The following SCG5 variants were observed in gnomAD, a reference collection of about 807,000 sequenced individuals.
SCG5 encodes the protein secretogranin V.
SCG5 carries 18 observed loss-of-function variants against 25.7 expected under a neutral mutation model. The observed-to-expected ratio is 0.70, with a 90% CI of 0.48 to 1.04. SCG5 has a LOEUF of 1.04. SCG5 is among the 50% of genes least tolerant of loss of function. The pLI is 0.00. For missense variants in SCG5, 206 were observed against 259.8 expected (o/e 0.79, Z 1.42); for synonymous variants, 101 against 91.7 (o/e 1.10, Z -0.58).
At position 32,643,694 on chromosome 15, in the gene SCG5, G is replaced by T. The variant is rs758477629; in HGVS notation, c.102G>T (p.Arg34=). The T allele has an allele frequency of 6.2e-7, 1 of 1,613,752 alleles. No homozygotes were observed. The highest frequency in any genetic ancestry group is 8.5e-7 in the Non-Finnish European group (1 of 1,179,862). ...CTTACAGCCCCCGGACCCCTGACCG[G>T]GTCTCAGAAGCAGATATCCAGAGGC... is the stretch of plus-strand genomic sequence containing the variant. ...AFAYSPRTPD[R]VSEADIQRLL... is the part of the protein sequence containing the mutation. The change falls in exon 2 of 6, where the codon CGG becomes CGT. Residue 34 remains arginine (R), a synonymous_variant. Transcript: ENST00000300175.
At chr15:32,695,229 A>G (rs1205005194) in intron 5 of SCG5, among the ~76,000 whole-genome samples, 1 of 152,056 alleles carries the variant, frequency 6.6e-6, no homozygotes, top group Non-Finnish European at 1.5e-5. Flanking sequence ...GTTAGCCAGG[A>G]TGGTCTCGAT....
intron 2 of SCG5, among the ~76,000 whole-genome samples, chr15:32,668,138 C>T (rs560680884): frequency 4.3e-4 from 65 of 152,326 alleles, no homozygotes; most frequent in African/African-American, 1.5e-3. Flanking sequence ...GTGCCTTCTC[C>T]TCTCGAGGCT....
At chr15:32,676,559 A>C (rs993093914) in intron 2 of SCG5, among the ~76,000 whole-genome samples, 1 of 152,220 alleles carries the variant, frequency 6.6e-6, no homozygotes, top group Non-Finnish European at 1.5e-5. Flanking sequence ...CAAATATATC[A>C]ATACCAAGTG....
At chr15:32,651,930 G>A (rs2054036895) in intron 2 of SCG5, among the ~76,000 whole-genome samples, 3 of 152,176 alleles carry the variant, frequency 2.0e-5, no homozygotes, top group African/African-American at 4.8e-5. Context: ...TCATCCCCGT[G>A]TTAGTGGTGG....
At chr15:32,685,293 T>A (rs1466197141) in intron 4 of SCG5, among the ~76,000 whole-genome samples, 1 of 152,232 alleles carries the variant, frequency 6.6e-6, no homozygotes. Flanking sequence ...GCCAATCTAA[T>A]TATATTCTTC....
At chr15:32,695,499 C>T (rs1053468009) in intron 5 of SCG5, among the ~76,000 whole-genome samples, 12 of 152,044 alleles carry the variant, frequency 7.9e-5, no homozygotes, top group African/African-American at 2.9e-4. Flanking sequence ...AATATTTACT[C>T]ATTAAGAATA....
intron 2 of SCG5, among the ~76,000 whole-genome samples, chr15:32,668,382 C>T (rs1210726370): frequency 3.3e-5 from 5 of 152,210 alleles, no homozygotes; most frequent in Admixed American, 3.3e-4. Flanking sequence ...CGTTCCTTGT[C>T]GTGGCCCAAA....
At position 32,661,060 on chromosome 15, in the gene SCG5, T is replaced by A. The variant is rs142489655; in HGVS notation, c.226+17242T>A. ...GCAAATATTTATTTTGTATCTACTA[T>A]GTGCCAAACACTTTATGTATTGTAT... is the stretch of plus-strand genomic sequence containing the variant. On this transcript the variant is annotated intron_variant, in intron 2 of 5. Coordinates refer to ENST00000300175, the MANE Select transcript of SCG5 (RefSeq NM_001144757.3). Among the ~76,000 whole-genome samples, 595 of 152,368 alleles carry A rather than the reference T, an allele frequency of 3.9e-3. 3 individuals carry two copies. Among genetic ancestry groups the A allele is most frequent in the Non-Finnish European group, 4.0e-3 (275 of 68,034 alleles).
In SCG5 at chr15:32,658,943, G is replaced by T. The variant is rs879733708; in HGVS notation, c.226+15125G>T. Among the ~76,000 whole-genome samples, 4 of 152,290 alleles carry T rather than the reference G, an allele frequency of 2.6e-5. No homozygotes were observed. The East Asian group carries it at 7.7e-4, about 29-fold the overall frequency. On this transcript the variant is annotated intron_variant, in intron 2 of 5. Transcript: ENST00000300175. ...CGTAATCCCAGCACTTTGGGAGGCC[G>T]AGGCGGGTGGATCCCGAGGTCAGGA...
At chr15:32,647,253 C>A (rs1447961546) in intron 2 of SCG5, among the ~76,000 whole-genome samples, 1 of 152,126 alleles carries the variant, frequency 6.6e-6, no homozygotes, top group East Asian at 1.9e-4. Context: ...CTAAACAAAT[C>A]ATCATCATCA....
intron 2 of SCG5, among the ~76,000 whole-genome samples, chr15:32,655,429 C>T (rs944345895): frequency 6.6e-6 from 1 of 152,178 alleles, no homozygotes; most frequent in African/African-American, 2.4e-5. Context: ...CCCTTGTCCC[C>T]TTAAGTTCGG....
At chr15:32,675,346 T>G (rs2054512996) in intron 2 of SCG5, among the ~76,000 whole-genome samples, 1 of 152,240 alleles carries the variant, frequency 6.6e-6, no homozygotes, top group African/African-American at 2.4e-5. Flanking sequence ...GCTAGAAATC[T>G]TATTTAACTC....
chr15:32,679,675 A>C, intron 2 of SCG5, 91 bp from the exon 3 acceptor site: 4 of 1,383,286 alleles, frequency 2.9e-6, no homozygotes, highest in Non-Finnish European at 4.1e-6. Flanking sequence ...AGCAGAAGGC[A>C]CAGGGCTTTT....
At chr15:32,657,043 A>G (rs983027361) in intron 2 of SCG5, among the ~76,000 whole-genome samples, 1 of 150,762 alleles carries the variant, frequency 6.6e-6, no homozygotes, top group Non-Finnish European at 1.5e-5. Context: ...TTAGCTTCCC[A>G]ATCTAAAAAT....
intron 2 of SCG5, chr15:32,666,572 C>T (rs530422715): frequency 1.1e-4 from 17 of 152,260 alleles, no homozygotes; most frequent in African/African-American, 4.1e-4. Context: ...TTATTATCAC[C>T]CCTGTTTTAC....
intron 3 of SCG5, among the ~76,000 whole-genome samples, chr15:32,682,561 C>A (rs368421563): frequency 1.1e-4 from 16 of 152,242 alleles, no homozygotes; most frequent in East Asian, 9.6e-4. Flanking sequence ...AGCAATCAAG[C>A]TGGCCTGGTA....
intron 2 of SCG5, among the ~76,000 whole-genome samples, chr15:32,679,080 C>T (rs1289902971): frequency 6.6e-6 from 1 of 152,196 alleles, no homozygotes; most frequent in Non-Finnish European, 1.5e-5. Flanking sequence ...TGCCCAAGCT[C>T]CACGCCCAGC....
At chr15:32,660,147 A>G (rs930621271) in intron 2 of SCG5, among the ~76,000 whole-genome samples, 1 of 152,200 alleles carries the variant, frequency 6.6e-6, no homozygotes, top group African/African-American at 2.4e-5. Context: ...CTAGGTCTGT[A>G]TAGAGCACAC....
intron 2 of SCG5, among the ~76,000 whole-genome samples, chr15:32,674,137 CAT>C (rs1271393682): frequency 6.6e-5 from 10 of 152,186 alleles, no homozygotes; most frequent in Admixed American, 2.0e-4. Flanking sequence ...CAGGCAAAGT[CAT>C]ATTCTCCTGC....
Sources: gnomAD v4.1 joint callset for allele counts (sites outside exome capture counted in the v4.1 genomes callset) on GRCh38, gnomAD v4.1.1 for gene constraint, MANE v1.5 for transcripts, NCBI Gene and HGNC (gene_info 2026-07-23, HGNC 2026-07-21) for gene names.